The following ST6GALNAC5 variants were observed in gnomAD, a reference collection of about 807,000 sequenced individuals.
The protein encoded by ST6GALNAC5 is alpha-N-acetylgalactosaminide alpha-2,6-sialyltransferase 5.
ST6GALNAC5 carries 27 observed loss-of-function variants against 33.6 expected under a neutral mutation model. The ratio of observed to expected loss-of-function variants is 0.80; its 90% CI spans 0.59 to 1.11. The LOEUF (loss-of-function observed/expected upper bound fraction) is 1.11, where lower values mean the gene tolerates loss of function less well. Ranked by LOEUF, ST6GALNAC5 falls within the 50% of genes least tolerant of loss-of-function variation. The pLI is 0.00. For synonymous variants in ST6GALNAC5, 194 were observed against 171.2 expected (o/e 1.13, Z -1.04); for missense variants, 428 against 454.0 (o/e 0.94, Z 0.52).
intron 2 of ST6GALNAC5, among the ~76,000 whole-genome samples, chr1:76,962,326 G>A (rs1648272913): frequency 6.6e-6 from 1 of 152,160 alleles, no homozygotes; most frequent in Admixed American, 6.6e-5. Context: ...GCCTAAGAAG[G>A]GCAGCATGGA....
chr1:77,025,518 G>GA (rs112139091), intron 2 of ST6GALNAC5, among the ~76,000 whole-genome samples: 47,963 of 142,510 alleles, frequency 0.34, 8,778 homozygotes, highest in African/African-American at 0.51. Context: ...AGACTGTCTT[G>GA]AAAAAAAAAA....
intron 2 of ST6GALNAC5, among the ~76,000 whole-genome samples, chr1:77,031,260 CTCA>C (rs1443584772): frequency 6.6e-6 from 1 of 152,214 alleles, no homozygotes; most frequent in African/African-American, 2.4e-5. Context: ...TAGCTGGTAG[CTCA>C]TCAAGATGGT....
Position 76,966,275 on chromosome 1 carries a change from C to A in ST6GALNAC5, c.262-77929C>A, listed in dbSNP as rs182942050. 3.7e-3 allele frequency among the ~76,000 whole-genome samples: 565 copies of A among 152,232 alleles called. 1 individual carries two copies. The highest frequency in any genetic ancestry group is 0.011 in the Admixed American group (174 of 15,288). ...CATTTGTTTGTGTCCTCTTTTATTT[C>A]GTTGGGAAGTGGTTTGTAGTTCTCC... On this transcript the variant is annotated intron_variant, in intron 2 of 4. Transcript: ENST00000477717.
chr1:77,062,188 TGTTCCA>T (rs1290598868), intron 4 of ST6GALNAC5, among the ~76,000 whole-genome samples: 1 of 152,228 alleles, frequency 6.6e-6, no homozygotes, highest in Non-Finnish European at 1.5e-5. Flanking sequence ...TACCAGGGAC[TGTTCCA>T]GGAATAAGAC....
chr1:76,936,327 T>C lies in ST6GALNAC5; in HGVS notation c.261+67585T>C, dbSNP rs556082710. Among the ~76,000 whole-genome samples, 79 of 152,250 alleles carry C rather than the reference T, an allele frequency of 5.2e-4. No individual in the cohort carries two copies. The South Asian group carries it at 9.5e-3, about 18-fold the overall frequency. On this transcript the variant is annotated intron_variant, in intron 2 of 4. Coordinates refer to ENST00000477717, the MANE Select transcript of ST6GALNAC5 (RefSeq NM_030965.3). ...GTACTATAACTAGTGTTCCCACCTA[T>C]GATTTTCTTTATTTTGTTGGTATAT...
chr1:76,999,678 C>T, intron 2 of ST6GALNAC5, among the ~76,000 whole-genome samples: 1 of 133,550 alleles, frequency 7.5e-6, no homozygotes. Flanking sequence ...GTGTGATATT[C>T]CCCTTCCTGT....
chr1:76,985,498 A>C (rs901048857), intron 2 of ST6GALNAC5, among the ~76,000 whole-genome samples: 1 of 152,242 alleles, frequency 6.6e-6, no homozygotes, highest in Non-Finnish European at 1.5e-5. Context: ...CCACTGTACA[A>C]CGAAAGAAAA....
chr1:76,961,678 C>G (rs1029320083), intron 2 of ST6GALNAC5, among the ~76,000 whole-genome samples: 9 of 152,166 alleles, frequency 5.9e-5, no homozygotes, highest in Non-Finnish European at 1.0e-4. Flanking sequence ...GCAGCTACTC[C>G]CTCTTTTTCC....
At chr1:76,879,589 G>A (rs1269392312) in intron 2 of ST6GALNAC5, among the ~76,000 whole-genome samples, 1 of 152,208 alleles carries the variant, frequency 6.6e-6, no homozygotes, top group Non-Finnish European at 1.5e-5. Flanking sequence ...GAAGCAAACA[G>A]GGGTGTTGGG....
chr1:76,875,791 A>G (rs1653625162), intron 2 of ST6GALNAC5, among the ~76,000 whole-genome samples: 1 of 152,164 alleles, frequency 6.6e-6, no homozygotes, highest in Admixed American at 6.5e-5. Context: ...CAGAGCATAC[A>G]TCCCTGCCAC....
intron 2 of ST6GALNAC5, among the ~76,000 whole-genome samples, chr1:77,022,294 C>T (rs556431502): frequency 3.9e-5 from 6 of 152,284 alleles, no homozygotes; most frequent in African/African-American, 1.4e-4. Flanking sequence ...ATTACCCTTC[C>T]AGTTTAACAC....
intron 2 of ST6GALNAC5, among the ~76,000 whole-genome samples, chr1:77,014,680 A>G (rs1174031307): frequency 2.0e-5 from 3 of 152,212 alleles, no homozygotes; most frequent in African/African-American, 2.4e-5. Context: ...GGATTTCCAC[A>G]TAAGCTTCCT....
chr1:76,953,977 C>A (rs555231430), intron 2 of ST6GALNAC5, among the ~76,000 whole-genome samples: 2 of 152,002 alleles, frequency 1.3e-5, no homozygotes, highest in Non-Finnish European at 2.9e-5. Context: ...AATGCTTGTG[C>A]GTAACAACTA....
intron 2 of ST6GALNAC5, among the ~76,000 whole-genome samples, chr1:76,987,558 T>A (rs1649561283): frequency 6.6e-6 from 1 of 151,992 alleles, no homozygotes; most frequent in South Asian, 2.1e-4. Context: ...AAGAATAGAG[T>A]TACCATGTGG....
chr1:77,009,071 C>G (rs1022437939), intron 2 of ST6GALNAC5, among the ~76,000 whole-genome samples: 11 of 152,184 alleles, frequency 7.2e-5, no homozygotes, highest in African/African-American at 2.7e-4. Context: ...TTCTGTAACA[C>G]TGAACCATAG....
chr1:76,893,591 C>A (rs1654058206), intron 2 of ST6GALNAC5, among the ~76,000 whole-genome samples: 1 of 152,132 alleles, frequency 6.6e-6, no homozygotes, highest in Admixed American at 6.5e-5. Context: ...ATTCCCAGCA[C>A]ATAGGAAGGA....
At chr1:76,989,713 G>A (rs756131278) in intron 2 of ST6GALNAC5, among the ~76,000 whole-genome samples, 1 of 141,462 alleles carries the variant, frequency 7.1e-6, no homozygotes, top group Non-Finnish European at 1.6e-5. Flanking sequence ...AAGGTAGAAC[G>A]CTTCTCAAAA....
chr1:77,061,459 G>C (rs537681336), intron 4 of ST6GALNAC5, among the ~76,000 whole-genome samples: 1 of 152,176 alleles, frequency 6.6e-6, no homozygotes, highest in Non-Finnish European at 1.5e-5. Flanking sequence ...CTGGCAGGAT[G>C]AGCATCTTTG....
intron 2 of ST6GALNAC5, among the ~76,000 whole-genome samples, chr1:76,934,772 C>T (rs1647181975): frequency 6.6e-6 from 1 of 151,958 alleles, no homozygotes; most frequent in Non-Finnish European, 1.5e-5. Flanking sequence ...CTAGTCAGTG[C>T]TTCTGAAGCA....
Sources: allele counts gnomAD v4.1 joint callset (sites outside exome capture counted in the v4.1 genomes callset), GRCh38; gene constraint gnomAD v4.1.1; transcripts MANE v1.5; gene names NCBI Gene and HGNC (gene_info 2026-07-23, HGNC 2026-07-21).